CCDC171: variants seen among roughly 807,000 people sequenced by gnomAD.
The protein encoded by CCDC171 is coiled-coil domain containing 171.
A neutral mutation model predicts 168.2 loss-of-function variants in CCDC171; 177 were observed. The observed-to-expected ratio is 1.05, with a 90% CI of 0.93 to 1.19. The LOEUF is 1.19. Among genes scored for constraint, CCDC171 ranks in the 50% most tolerant of loss-of-function variants. The pLI is 0.00. For synonymous variants in CCDC171, 687 were observed against 540.8 expected, an observed-to-expected ratio of 1.27 and a Z score of -3.75; for missense variants, 1,991 against 1,539.0, an observed-to-expected ratio of 1.29 and a Z score of -4.91.
chr9:15,780,011 G>C (rs955479963), intron 20 of CCDC171, among the ~76,000 whole-genome samples: 26 of 152,194 alleles, frequency 1.7e-4, no homozygotes, highest in Non-Finnish European at 2.8e-4. Context: ...TATAACTTCA[G>C]TTTAAATGTG....
intron 25 of CCDC171, among the ~76,000 whole-genome samples, chr9:15,963,725 C>T (rs981571247): frequency 1.3e-5 from 2 of 152,112 alleles, no homozygotes; most frequent in African/African-American, 4.8e-5. Flanking sequence ...CTCTCTCCCC[C>T]AATCAGACAT....
At chr9:16,045,295 G>C (rs1219818965) in intron 1 of CCDC171, among the ~76,000 whole-genome samples, 4 of 152,168 alleles carry the variant, frequency 2.6e-5, no homozygotes, top group African/African-American at 9.7e-5. Context: ...AGGGAACCTC[G>C]TCAAGGTGGT....
downstream of CCDC171, chr9:15,974,059 A>G (rs1359539564): frequency 6.6e-6 from 1 of 152,148 alleles, no homozygotes; most frequent in Non-Finnish European, 1.5e-5. Flanking sequence ...CTAACTTTAC[A>G]GGTACATTTT....
At chr9:15,563,491 C>T (rs371295356) in intron 1 of CCDC171, among the ~76,000 whole-genome samples, 7 of 152,116 alleles carry the variant, frequency 4.6e-5, no homozygotes, top group Admixed American at 1.3e-4. Flanking sequence ...TGGGATAATC[C>T]TTACATTGCA....
rs186411501 is a variant in CCDC171 at position 15,580,844 on chromosome 9, G to T, written c.352+1821G>T. ...GGAGATTCCTTAAAGAACTAAAACT[G>T]GAAGCATTCCCTTTGAAAACCGGCA... is the stretch of plus-strand genomic sequence containing the variant. On this transcript the variant is annotated intron_variant, in intron 4 of 25. Coordinates refer to ENST00000380701, the MANE Select transcript of CCDC171 (RefSeq NM_173550.4). Among the ~76,000 whole-genome samples, 79 of 152,226 alleles carry T rather than the reference G, an allele frequency of 5.2e-4. 2 individuals are homozygous for T. In the East Asian group the frequency reaches 7.1e-3, roughly 14 times the overall value.
intron 6 of CCDC171, among the ~76,000 whole-genome samples, chr9:15,605,557 C>T (rs945584493): frequency 1.2e-4 from 18 of 148,714 alleles, no homozygotes; most frequent in Admixed American, 4.7e-4. Context: ...AGTAGTGGCA[C>T]GCACCTGTAA....
Position 15,665,934 on chromosome 9 carries a change from C to G in CCDC171, c.916-229C>G, listed in dbSNP as rs572576990. Among the ~76,000 whole-genome samples the G allele has an allele frequency of 3.3e-5, 5 of 152,304 alleles. 1 individual carries two copies. In the South Asian group the frequency reaches 1.0e-3, roughly 32 times the overall value. The stretch of plus-strand genomic sequence containing the variant: ...AATGGGTTATATTGTACCAGCCTAT[C>G]TTTCATAACACAGTTAACTCTTCAT... On this transcript the variant is annotated intron_variant, in intron 8 of 25. Coordinates refer to ENST00000380701, the MANE Select transcript of CCDC171 (RefSeq NM_173550.4).
chr9:15,806,690 T>G (rs757647755), intron 21 of CCDC171, among the ~76,000 whole-genome samples: 2 of 152,126 alleles, frequency 1.3e-5, no homozygotes, highest in Non-Finnish European at 2.9e-5. Context: ...GAAAATCTGA[T>G]GATTATGTGT....
intron 3 of CCDC171, among the ~76,000 whole-genome samples, chr9:16,001,558 A>G (rs952218601): frequency 6.6e-6 from 1 of 152,168 alleles, no homozygotes; most frequent in Non-Finnish European, 1.5e-5. Flanking sequence ...TATTCCAGTC[A>G]TGCACTGCAT....
chr9:15,701,641 A>G (rs2051753141), intron 11 of CCDC171, among the ~76,000 whole-genome samples: 1 of 143,904 alleles, frequency 6.9e-6, no homozygotes, highest in Non-Finnish European at 1.5e-5. Flanking sequence ...GCGCAGTGGC[A>G]CGATCTTGGC....
At chr9:15,557,333 G>A (rs932036892) in intron 1 of CCDC171, among the ~76,000 whole-genome samples, 2 of 152,112 alleles carry the variant, frequency 1.3e-5, no homozygotes, top group African/African-American at 4.8e-5. Flanking sequence ...ACCTTGGGGA[G>A]TATGGCCATT....
At chr9:15,570,221 A>G (rs2040113103) in intron 2 of CCDC171, among the ~76,000 whole-genome samples, 1 of 151,712 alleles carries the variant, frequency 6.6e-6, no homozygotes, top group African/African-American at 2.4e-5. Flanking sequence ...TCTGCCCGCC[A>G]CAGCCTCCCA....
intron 25 of CCDC171, among the ~76,000 whole-genome samples, chr9:15,970,337 G>C (rs1481665596): frequency 6.6e-6 from 1 of 151,748 alleles, no homozygotes; most frequent in Non-Finnish European, 1.5e-5. Flanking sequence ...ACATAATAAA[G>C]CACACCTTAT....
chr9:16,097,229 A>G, the CCDC171 span, among the ~76,000 whole-genome samples: 1 of 149,858 alleles, frequency 6.7e-6, no homozygotes, highest in African/African-American at 2.6e-5. Flanking sequence ...ATGAGATAGA[A>G]TGCTTATGGC....
At position 15,914,546 on chromosome 9, in the gene CCDC171, C is replaced by T. The variant is rs544676512; in HGVS notation, c.3601-5724C>T. ...TGACTTCGGACTGCTGTGCTGGCAG[C>T]GAGAATTTCAAGCCAGTGGATCTTA... On this transcript the variant is annotated intron_variant, in intron 24 of 25. Coordinates refer to ENST00000380701, the MANE Select transcript of CCDC171 (RefSeq NM_173550.4). 1.2e-3 allele frequency among the ~76,000 whole-genome samples: 188 copies of T among 152,236 alleles called. 1 individual carries two copies. Among genetic ancestry groups the T allele is most frequent in the Non-Finnish European group, 2.9e-4 (20 of 68,016 alleles).
chr9:15,680,800 C>A (rs190863813), intron 10 of CCDC171, among the ~76,000 whole-genome samples: 2 of 152,204 alleles, frequency 1.3e-5, no homozygotes, highest in Admixed American at 1.3e-4. Flanking sequence ...ATATCAGGGT[C>A]ATTGAGCTGA....
chr9:16,099,093 A>G, the CCDC171 span, among the ~76,000 whole-genome samples: 2 of 152,246 alleles, frequency 1.3e-5, no homozygotes, highest in Admixed American at 6.5e-5. Context: ...CAGACTGTTT[A>G]GAGAGTGACT....
At chr9:15,622,594 C>T (rs1268866902) in intron 6 of CCDC171, among the ~76,000 whole-genome samples, 2 of 152,154 alleles carry the variant, frequency 1.3e-5, no homozygotes, top group African/African-American at 4.8e-5. Context: ...AGATTAGTTA[C>T]TGTGGAGAAT....
chr9:15,656,047 C>T (rs147866327), intron 7 of CCDC171, among the ~76,000 whole-genome samples: 8 of 152,190 alleles, frequency 5.3e-5, no homozygotes, highest in East Asian at 1.9e-4. Context: ...TGGCTGGGTG[C>T]GGTGGCTGAC....
Sources: allele counts gnomAD v4.1 joint callset (sites outside exome capture counted in the v4.1 genomes callset), GRCh38; gene constraint gnomAD v4.1.1; transcripts MANE v1.5; gene names NCBI Gene and HGNC (gene_info 2026-07-23, HGNC 2026-07-21).